Variants in ZBTB7C observed in about 807,000 individuals in gnomAD.
ZBTB7C encodes zinc finger and BTB domain containing 7C, also known as zinc finger and BTB domain-containing protein 7C.
A neutral mutation model predicts 25.7 loss-of-function variants in ZBTB7C; 8 were observed. The ratio of observed to expected loss-of-function variants is 0.31; its 90% CI spans 0.18 to 0.56. ZBTB7C has a LOEUF of 0.56. ZBTB7C is among the 20% of genes least tolerant of loss of function. The pLI is 0.91. For synonymous variants in ZBTB7C, 394 were observed against 369.0 expected (o/e 1.07, Z -0.78); for missense variants, 824 against 855.2 (o/e 0.96, Z 0.46).
At chr18:48,045,664 A>C (rs2036439618) in intron 3 of ZBTB7C, among the ~76,000 whole-genome samples, 1 of 152,190 alleles carries the variant, frequency 6.6e-6, no homozygotes, top group South Asian at 2.1e-4. Flanking sequence ...TCTCACTTAG[A>C]CAACCCTTTC....
chr18:48,282,187 C>A (rs1435782221), intron 2 of ZBTB7C, among the ~76,000 whole-genome samples: 1 of 149,158 alleles, frequency 6.7e-6, no homozygotes, highest in Non-Finnish European at 1.5e-5. Context: ...TGGAAACCAT[C>A]ATTCTCAGTA....
rs188758506 is a variant in ZBTB7C at position 48,133,171 on chromosome 18, A to T, written c.-17+52763T>A. 7.7e-4 allele frequency among the ~76,000 whole-genome samples: 118 copies of T among 152,302 alleles called. No individual in the cohort carries two copies. The East Asian group carries it at 0.02, about 25-fold the overall frequency. ...CTTTCCTGTTCTGTGTTCCATGCAC[A>T]CACAAGCCAAGCTACCATTGTGGGG... On this transcript the variant is annotated intron_variant, in intron 3 of 4. Transcript: ENST00000590800.
intron 2 of ZBTB7C, among the ~76,000 whole-genome samples, chr18:48,229,060 A>G (rs2043183796): frequency 6.6e-6 from 1 of 152,118 alleles, no homozygotes. Context: ...GCGGAAAAAC[A>G]AGACAGTGCC....
At chr18:48,188,163 A>C (rs2042108884) in intron 2 of ZBTB7C, among the ~76,000 whole-genome samples, 1 of 152,212 alleles carries the variant, frequency 6.6e-6, no homozygotes, top group African/African-American at 2.4e-5. Context: ...GGACCAAAGG[A>C]CATAATGGAC....
chr18:48,356,258 T>C (rs940372056), intron 1 of ZBTB7C, among the ~76,000 whole-genome samples: 1 of 152,186 alleles, frequency 6.6e-6, no homozygotes, highest in Non-Finnish European at 1.5e-5. Flanking sequence ...CCAAGTGAAC[T>C]CGCTCAGAAA....
At chr18:48,110,787 G>A (rs1019175917) in intron 3 of ZBTB7C, among the ~76,000 whole-genome samples, 1 of 152,160 alleles carries the variant, frequency 6.6e-6, no homozygotes, top group Non-Finnish European at 1.5e-5. Context: ...GTCATGGGAG[G>A]GTTGCTGGAA....
intron 2 of ZBTB7C, among the ~76,000 whole-genome samples, chr18:48,230,208 C>A (rs1188364859): frequency 6.6e-6 from 1 of 152,178 alleles, no homozygotes; most frequent in Non-Finnish European, 1.5e-5. Context: ...CTGAAGAAGG[C>A]TTGAAAGCTT....
intron 2 of ZBTB7C, among the ~76,000 whole-genome samples, chr18:48,241,223 A>G (rs1426454454): frequency 6.6e-6 from 1 of 152,238 alleles, no homozygotes; most frequent in Non-Finnish European, 1.5e-5. Flanking sequence ...TATTTCTAAG[A>G]AATGAAATAG....
intron 3 of ZBTB7C, among the ~76,000 whole-genome samples, chr18:48,053,857 G>A (rs978709528): frequency 3.3e-5 from 5 of 152,312 alleles, no homozygotes; most frequent in East Asian, 1.9e-4. Context: ...GTCAGAGGAC[G>A]GGGACTCTGC....
At chr18:48,165,877 G>A (rs1419785677) in intron 3 of ZBTB7C, among the ~76,000 whole-genome samples, 1 of 152,180 alleles carries the variant, frequency 6.6e-6, no homozygotes, top group African/African-American at 2.4e-5. Flanking sequence ...GTGGGGAGAG[G>A]CCTGCATGCC....
At chr18:48,203,430 C>G (rs2042503627) in intron 2 of ZBTB7C, 1 of 152,240 alleles carries the variant, frequency 6.6e-6, no homozygotes, top group African/African-American at 2.4e-5. Context: ...GTGGAGAAAT[C>G]TTAAAGCTGC....
At chr18:48,352,823 G>C (rs769915634) in intron 1 of ZBTB7C, among the ~76,000 whole-genome samples, 2 of 152,154 alleles carry the variant, frequency 1.3e-5, no homozygotes, top group African/African-American at 2.4e-5. Flanking sequence ...AAAGGCGCAG[G>C]GGGTAGCTCT....
At chr18:48,257,360 C>T (rs1173329951) in intron 2 of ZBTB7C, among the ~76,000 whole-genome samples, 1 of 151,986 alleles carries the variant, frequency 6.6e-6, no homozygotes, top group Non-Finnish European at 1.5e-5. Flanking sequence ...AAAAACTAAA[C>T]AATAAAGAGA....
chr18:48,131,933 C>G (rs2039998162), intron 3 of ZBTB7C, among the ~76,000 whole-genome samples: 1 of 152,184 alleles, frequency 6.6e-6, no homozygotes, highest in South Asian at 2.1e-4. Context: ...CACATACCTG[C>G]TGGTGGGAAT....
intron 2 of ZBTB7C, among the ~76,000 whole-genome samples, chr18:48,217,627 C>A (rs2042856524): frequency 6.6e-6 from 1 of 152,124 alleles, no homozygotes; most frequent in Non-Finnish European, 1.5e-5. Flanking sequence ...ACCTGAAAAG[C>A]CCCATTTCTT....
At chr18:48,211,313 A>T (rs2156649) in intron 2 of ZBTB7C, among the ~76,000 whole-genome samples, 1 of 152,010 alleles carries the variant, frequency 6.6e-6, no homozygotes, top group African/African-American at 2.4e-5. Context: ...CCAAAGGCAC[A>T]ACCCATAAAA....
chr18:48,125,576 A>C (rs1163534305), intron 3 of ZBTB7C, among the ~76,000 whole-genome samples: 1 of 152,228 alleles, frequency 6.6e-6, no homozygotes, highest in East Asian at 1.9e-4. Context: ...GGGAAGGATA[A>C]CAGAGGTGCT....
At chr18:48,146,597 C>A (rs2040504893) in intron 3 of ZBTB7C, among the ~76,000 whole-genome samples, 1 of 152,166 alleles carries the variant, frequency 6.6e-6, no homozygotes, top group Non-Finnish European at 1.5e-5. Flanking sequence ...TCGCAATTGC[C>A]TACTTCACAC....
chr18:48,195,812 A>G (rs2042305859), intron 2 of ZBTB7C, among the ~76,000 whole-genome samples: 1 of 152,242 alleles, frequency 6.6e-6, no homozygotes, highest in Admixed American at 6.5e-5. Context: ...AAATGACTCA[A>G]AAATGTTTTT....
Sources: gnomAD v4.1 joint callset for allele counts (sites outside exome capture counted in the v4.1 genomes callset) on GRCh38, gnomAD v4.1.1 for gene constraint, MANE v1.5 for transcripts, NCBI Gene and HGNC (gene_info 2026-07-23, HGNC 2026-07-21) for gene names.